The following EIF5 variants were observed in gnomAD, a reference collection of about 807,000 sequenced individuals.
EIF5 encodes eukaryotic translation initiation factor 5.
Under a neutral mutation model 48.3 loss-of-function variants are expected in EIF5, and 10 were observed. The ratio of observed to expected loss-of-function variants is 0.21; its 90% confidence interval spans 0.13 to 0.35. EIF5 has a LOEUF of 0.35. Among genes scored for constraint, EIF5 ranks in the 10% least tolerant of loss-of-function variants. The pLI is 1.00. For missense variants in EIF5, 397 were observed against 533.2 expected, an observed-to-expected ratio of 0.74 and a Z score of 2.51; for synonymous variants, 237 against 173.1, an observed-to-expected ratio of 1.37 and a Z score of -2.90.
At position 103,343,261 on chromosome 14, in the gene EIF5, C is replaced by T. The variant is rs1221861100; in HGVS notation, c.*2209C>T. On this transcript the variant is annotated 3_prime_UTR_variant, in exon 12 of 12. Coordinates refer to ENST00000216554, the MANE Select transcript of EIF5 (RefSeq NM_001969.5). ...AATCTGCCCTGTTTTGTAGCCGTTG[C>T]TTTGGATTTGTGTTGGATGTATCCT... The T allele has an allele frequency of 6.6e-6, 1 of 152,162 alleles. No individual in the cohort carries two copies. The highest frequency in any genetic ancestry group is 1.5e-5 in the Non-Finnish European group (1 of 68,020). 9.4% of individuals were successfully genotyped at this position (152,162 alleles called of 1,614,324 possible). A position where few individuals can be genotyped will look rare whatever the true frequency, so the allele number is the denominator to read the frequency against.
At chr14:103,340,192 T>C (rs555404556) in intron 10 of EIF5, among the ~76,000 whole-genome samples, 2 of 152,242 alleles carry the variant, frequency 1.3e-5, no homozygotes, top group Admixed American at 1.3e-4. Context: ...AGAAAAAATG[T>C]CTTAATATCT....
chr14:103,337,538 G>T, intron 6 of EIF5: 2 of 359,620 alleles, frequency 5.6e-6, no homozygotes, highest in Non-Finnish European at 5.1e-6. Context: ...GGAGGCAGAG[G>T]TTGCACTGAG....
intron 4 of EIF5, among the ~76,000 whole-genome samples, chr14:103,336,340 T>G (rs919509007): frequency 6.6e-6 from 1 of 152,176 alleles, no homozygotes; most frequent in Admixed American, 6.5e-5. Context: ...CCCAGCACTT[T>G]GGAAGGCTGA....
chr14:103,339,464 G>A (rs1332885085), intron 9 of EIF5, 131 bp downstream of exon 9: 2 of 1,404,898 alleles, frequency 1.4e-6, no homozygotes, highest in East Asian at 2.3e-5. Flanking sequence ...AAGCCTCTGA[G>A]TATCTGAAAG....
rs2089393325 is a variant in EIF5 at position 103,344,710 on chromosome 14, A to G, written c.*3658A>G. ...TTAAAAACGGTCAGTTAACTAAAAA[A>G]TAAAAATCAAGTCTTTAGGAGAGTA... On this transcript the variant is annotated 3_prime_UTR_variant, in exon 12 of 12. Coordinates refer to ENST00000216554, the MANE Select transcript of EIF5 (RefSeq NM_001969.5). 6.6e-6 allele frequency: 1 copy of G among 152,218 alleles called. No individual in the cohort carries two copies. Among genetic ancestry groups the G allele is most frequent in the African/African-American group, 2.4e-5 (1 of 41,458 alleles). The allele number at this position is 152,218 out of a possible 1,614,324, so 9.4% of individuals were successfully genotyped here.
Position 103,336,101 on chromosome 14 carries a change from T to A in EIF5, c.138T>A (p.Leu46=). 1 of 1,614,164 alleles carries A rather than the reference T, an allele frequency of 6.2e-7. No individual in the cohort carries two copies. The highest frequency in any genetic ancestry group is 8.5e-7 in the Non-Finnish European group (1 of 1,180,008). Residue 46 remains leucine (L), a synonymous_variant, in exon 4 of 12, where the codon CTT becomes CTA. Transcript: ENST00000216554. ...ACATGGTTGACGTTGCAAAGGCGCT[T>A]AATCGGCCTCCAACGTGTAAGTAAA... The part of the protein sequence containing the change: ...IVNMVDVAKA[L]NRPPTYPTKY...
At chr14:103,337,273 A>C in intron 6 of EIF5, 46 bp downstream of exon 6, 1 of 1,477,404 alleles carries the variant, frequency 6.8e-7, no homozygotes, top group Non-Finnish European at 9.3e-7. Context: ...ATAAGTTACT[A>C]ACTGTTGGGA....
rs137964558 is a variant in EIF5, at chr14:103,337,171, G to A, written c.383G>A (p.Arg128Gln). Residue 128 changes from arginine to glutamine, a missense_variant, in exon 6 of 12, where the codon CGA (arginine) becomes CAA (glutamine). Physicochemically the swap from Arg to Gln is conservative, Grantham distance 43 (BLOSUM62 1). Transcript: ENST00000216554. ...IGNSCKACGY[R>Q]GMLDTHHKLC... Reference sequence around the variant, plus strand: ...AATTCTTGTAAAGCCTGTGGCTATCGAGGCATGCTTGACACACATCATAAA... The same window carrying A: ...AATTCTTGTAAAGCCTGTGGCTATCAAGGCATGCTTGACACACATCATAAA... The A allele has an allele frequency of 1.7e-5, 28 of 1,613,324 alleles. No homozygotes were observed. Among genetic ancestry groups the A allele is most frequent in the East Asian group, 2.2e-5 (1 of 44,886 alleles).
rs756212895 is a variant in EIF5, at chr14:103,339,193, A to G, written c.766A>G (p.Ile256Val). ...FVKKKKEEGV[I>V]DSSDKEIVAE... The stretch of plus-strand genomic sequence containing the variant: ...GCAGAAAAAGAAAGAAGAGGGTGTT[A>G]TTGATTCATCTGACAAAGAAATCGT... Residue 256 changes from isoleucine to valine, a missense_variant, in exon 9 of 12, where the codon ATT becomes GTT. By Grantham distance (29) the Ile-to-Val change is conservative. This residue lies in a region of EIF5 where 126 missense variants were observed against 141.9 expected (regional missense o/e 0.89). Coordinates refer to ENST00000216554, the MANE Select transcript of EIF5 (RefSeq NM_001969.5). 3.7e-6 allele frequency: 6 copies of G among 1,609,050 alleles called. No individual in the cohort carries two copies. Among genetic ancestry groups the G allele is most frequent in the African/African-American group, 2.7e-5 (2 of 74,564 alleles).
In EIF5 at chr14:103,340,494, A is replaced by G; in HGVS notation, c.1139A>G (p.Lys380Arg). Residue 380 changes from lysine (K) to arginine (R), a missense_variant, in exon 11 of 12, where the codon AAA becomes AGA. Lys to Arg is a conservative substitution (Grantham distance 26, BLOSUM62 2). Around this residue, in one of 4 missense-constraint regions of EIF5, gnomAD observed 160 missense variants for 184.8 expected, o/e 0.87. Coordinates refer to ENST00000216554, the MANE Select transcript of EIF5 (RefSeq NM_001969.5). The stretch of plus-strand genomic sequence containing the variant: ...CGTGTCAAAGCAGAACCATTTATAA[A>G]ATGGTTGAAGGAGGCAGAGGAAGAA... ...EIRVKAEPFI[K>R]WLKEAEEESS... 1 of 1,612,952 alleles carries G rather than the reference A, an allele frequency of 6.2e-7. No individual in the cohort carries two copies. Among genetic ancestry groups the G allele is most frequent in the Non-Finnish European group, 8.5e-7 (1 of 1,178,946 alleles).
intron 8 of EIF5, 47 bp from the exon 9 acceptor site, chr14:103,339,125 G>C (rs1225610374): frequency 1.3e-6 from 2 of 1,566,750 alleles, no homozygotes; most frequent in African/African-American, 1.4e-5. Flanking sequence ...CTTGAGCCTG[G>C]CAAAGTGTGC....
chr14:103,339,098 C>A, intron 8 of EIF5, 74 bp from the exon 9 acceptor site: 1 of 1,531,650 alleles, frequency 6.5e-7, no homozygotes. Context: ...TTCATCAGAG[C>A]AGGGACTGGC....
chr14:103,337,787 A>C, intron 6 of EIF5: 1 of 461,222 alleles, frequency 2.2e-6, no homozygotes, highest in East Asian at 5.7e-5. Context: ...GAAACCCAGC[A>C]AAGTTTCTTT....
Position 103,338,675 on chromosome 14 carries a change from T to C in EIF5, c.586-60T>C, listed in dbSNP as rs1166651365. 3 of 1,577,342 alleles carry C rather than the reference T, an allele frequency of 1.9e-6. No individual in the cohort carries two copies. The African/African-American group carries it at 4.1e-5, about 22-fold the overall frequency. The stretch of plus-strand genomic sequence containing the variant: ...TTGATGCCATTAACTTGGCAAAATC[T>C]GAACCTTTTTGTTGTTGTTTTTAAG... On this transcript the variant is annotated intron_variant, in intron 7 of 11. Transcript: ENST00000216554.
intron 4 of EIF5, 120 bp downstream of exon 4, chr14:103,336,237 C>T (rs971365258): frequency 1.9e-6 from 2 of 1,066,294 alleles, no homozygotes; most frequent in African/African-American, 1.6e-5. Flanking sequence ...AAGTGAGGAA[C>T]CGTGGTTTAT....
intron 4 of EIF5, 165 bp downstream of exon 4, chr14:103,336,282 C>T (rs1259752939): frequency 7.9e-6 from 6 of 762,176 alleles, no homozygotes; most frequent in Admixed American, 2.9e-5. Flanking sequence ...ACCAGGGGAA[C>T]GCATTTAAAG....
chr14:103,335,715 A>T lies in EIF5; in HGVS notation c.-146A>T. ...CATAGCATACAAGCAAGAAGCTTAC[A>T]GCCTCAGTGGCGAAAATTTTTTCAT... is the stretch of plus-strand genomic sequence containing the variant. On this transcript the variant is annotated 5_prime_UTR_variant, in exon 3 of 12. Transcript: ENST00000216554. 2 of 756,682 alleles carry T rather than the reference A, an allele frequency of 2.6e-6. No individual in the cohort carries two copies. The highest frequency in any genetic ancestry group is 5.2e-5 in the East Asian group (2 of 38,402). 46.9% of individuals were successfully genotyped at this position (756,682 alleles called of 1,614,324 possible).
At chr14:103,336,365 G>A (rs759169385) in intron 4 of EIF5, 121 of 580,068 alleles carry the variant, frequency 2.1e-4, no homozygotes, top group African/African-American at 3.9e-4. Context: ...AGCGGATCGC[G>A]AGGTCAGGAG....
Position 103,335,820 on chromosome 14 carries a change from A to G in EIF5, c.-41A>G. 1 of 1,607,604 alleles carries G rather than the reference A, an allele frequency of 6.2e-7. No individual in the cohort carries two copies. Among genetic ancestry groups the G allele is most frequent in the East Asian group, 2.2e-5 (1 of 44,822 alleles). On this transcript the variant is annotated 5_prime_UTR_variant, in exon 3 of 12. Transcript: ENST00000216554. Reference sequence around the variant, plus strand: ...GAAGATACCAAAAAGTTGCAATCAAAGATCTCTTCATCTTATTGATAAAGC... The same window carrying G: ...GAAGATACCAAAAAGTTGCAATCAAGGATCTCTTCATCTTATTGATAAAGC...
Sources: gnomAD v4.1 joint callset for allele counts (sites outside exome capture counted in the v4.1 genomes callset) on GRCh38, gnomAD v4.1.1 for gene constraint, gnomAD v4.1.1 regional missense constraint, MANE v1.5 for transcripts, NCBI Gene and HGNC (gene_info 2026-07-23, HGNC 2026-07-21) for gene names.